Variants in ATXN10 observed in about 807,000 individuals in gnomAD.
ATXN10 encodes ataxin 10, also known as ataxin-10.
A neutral mutation model predicts 52.9 loss-of-function variants in ATXN10; 28 were observed. The observed-to-expected ratio is 0.53, with a 90% CI of 0.39 to 0.73. ATXN10 has a LOEUF of 0.73. Among genes scored for constraint, ATXN10 ranks in the 30% least tolerant of loss-of-function variants. The probability of loss-of-function intolerance (pLI) is 0.00; values close to 1 mark genes in which losing one functional copy is unlikely to be tolerated. For missense variants in ATXN10, 565 were observed against 577.0 expected, an observed-to-expected ratio of 0.98 and a Z score of 0.21; for synonymous variants, 226 against 221.5, an observed-to-expected ratio of 1.02 and a Z score of -0.18.
intron 1 of ATXN10, among the ~76,000 whole-genome samples, chr22:45,685,444 CTT>C (rs1304648883): frequency 6.6e-6 from 1 of 152,120 alleles, no homozygotes; most frequent in African/African-American, 2.4e-5. Flanking sequence ...AGTAGCTAAG[CTT>C]TTTAAAGTCG....
At chr22:45,758,300 C>T (rs1316427904) in intron 9 of ATXN10, among the ~76,000 whole-genome samples, 3 of 152,206 alleles carry the variant, frequency 2.0e-5, no homozygotes, top group African/African-American at 7.2e-5. Flanking sequence ...ACCAGTGCCT[C>T]CATGGAGCAC....
chr22:45,790,950 G>A lies in ATXN10; in HGVS notation c.1174-16009G>A, dbSNP rs1016198121. ...GCTTACTGTACTCTCGAACTCCTGG[G>A]CTCAACCCATCTTCATGCCTCAGCC... On this transcript the variant is annotated intron_variant, in intron 9 of 11. Coordinates refer to ENST00000252934, the MANE Select transcript of ATXN10 (RefSeq NM_013236.4). This position sits in a 1 kb window ranked among gnomAD's most constrained non-coding sequence, Gnocchi z 4.7. 1.1e-4 allele frequency among the ~76,000 whole-genome samples: 16 copies of A among 152,098 alleles called. No individual in the cohort carries two copies. The highest frequency in any genetic ancestry group is 1.9e-4 in the Non-Finnish European group (13 of 68,020).
rs143822507 is a variant in ATXN10 at position 45,830,381 on chromosome 22, A to AT, written c.1238-12608dup. 5.3e-3 allele frequency among the ~76,000 whole-genome samples: 801 copies of AT among 152,372 alleles called. 12 individuals are homozygous for AT. The highest frequency in any genetic ancestry group is 0.019 in the African/African-American group (771 of 41,596). ...TGAAAATTTTAAAATATTTTGCATC[A>AT]TTCAACAGAGTGAAAGAATCATTCA... On this transcript the variant is annotated intron_variant, in intron 10 of 11. Coordinates refer to ENST00000252934, the MANE Select transcript of ATXN10 (RefSeq NM_013236.4).
intron 10 of ATXN10, among the ~76,000 whole-genome samples, chr22:45,807,902 G>A (rs1475255477): frequency 1.3e-5 from 2 of 152,066 alleles, no homozygotes; most frequent in Admixed American, 1.3e-4. Flanking sequence ...GAGGAGGGGG[G>A]CATTTTAAAA....
In ATXN10 at chr22:45,842,305, G is replaced by C. The variant is rs1214471306; in HGVS notation, c.1238-686G>C. ...ATGTGGCGATGCTATCCCAGTCTTCGTAGGTTGTCTCTGGTCTCCTGCCAA... is the reference window on the plus strand; with the variant it reads ...ATGTGGCGATGCTATCCCAGTCTTCCTAGGTTGTCTCTGGTCTCCTGCCAA... On this transcript the variant is annotated intron_variant, in intron 10 of 11. Coordinates refer to ENST00000252934, the MANE Select transcript of ATXN10 (RefSeq NM_013236.4). This position sits in a 1 kb window ranked among gnomAD's most constrained non-coding sequence, Gnocchi z 4.8. 6.6e-6 allele frequency among the ~76,000 whole-genome samples: 1 copy of C among 152,116 alleles called. No homozygotes were observed. The highest frequency in any genetic ancestry group is 2.4e-5 in the African/African-American group (1 of 41,424).
chr22:45,699,488 TCC>T (rs370462643), intron 3 of ATXN10, among the ~76,000 whole-genome samples: 2 of 146,900 alleles, frequency 1.4e-5, no homozygotes, highest in Non-Finnish European at 3.0e-5. Flanking sequence ...TCTTTTTCTT[TCC>T]TTTTTTTTTT....
At chr22:45,694,180 T>C (rs918226537) in intron 3 of ATXN10, among the ~76,000 whole-genome samples, 21 of 152,182 alleles carry the variant, frequency 1.4e-4, no homozygotes, top group Non-Finnish European at 1.8e-4. Context: ...CACACTTCTT[T>C]AGACTCATTA....
chr22:45,806,285 T>C (rs1928096419), intron 9 of ATXN10, among the ~76,000 whole-genome samples: 1 of 152,238 alleles, frequency 6.6e-6, no homozygotes, highest in Non-Finnish European at 1.5e-5. Flanking sequence ...TATAATTTGC[T>C]TCCCTCTTAT....
chr22:45,784,546 T>G lies in ATXN10; in HGVS notation c.1174-22413T>G, dbSNP rs1927258520. On this transcript the variant is annotated intron_variant, in intron 9 of 11. Coordinates refer to ENST00000252934, the MANE Select transcript of ATXN10 (RefSeq NM_013236.4). The surrounding 1 kb of genome is among the most constrained non-coding windows in gnomAD (Gnocchi z 4.2). ...CAGTGGGGCTTCCACATGTCTTGCC[T>G]TGGAGGTCTGTGCTAGGCTGTCAGG... Among the ~76,000 whole-genome samples, 1 of 152,146 alleles carries G rather than the reference T, an allele frequency of 6.6e-6. No individual in the cohort carries two copies. Among genetic ancestry groups the G allele is most frequent in the Non-Finnish European group, 1.5e-5 (1 of 68,020 alleles).
chr22:45,749,538 T>C (rs183139719), intron 9 of ATXN10, among the ~76,000 whole-genome samples: 10 of 152,234 alleles, frequency 6.6e-5, no homozygotes, highest in South Asian at 4.1e-4. Flanking sequence ...TTTTAGTAAA[T>C]GTAGTTTCTT....
At position 45,774,692 on chromosome 22, in the gene ATXN10, G is replaced by A. The variant is rs938026697; in HGVS notation, c.1174-32267G>A. On this transcript the variant is annotated intron_variant, in intron 9 of 11. Transcript: ENST00000252934. The surrounding 1 kb of genome is among the most constrained non-coding windows in gnomAD (Gnocchi z 6.2). The stretch of plus-strand genomic sequence containing the variant: ...TCACGCTTATAATCCTAGCACTTTG[G>A]GAGGCTGAGGTGAGCGGATCACTTG... Among the ~76,000 whole-genome samples, 1 of 152,172 alleles carries A rather than the reference G, an allele frequency of 6.6e-6. No homozygotes were observed. Among genetic ancestry groups the A allele is most frequent in the African/African-American group, 2.4e-5 (1 of 41,450 alleles).
chr22:45,719,852 C>T (rs190351084), intron 6 of ATXN10, among the ~76,000 whole-genome samples: 3 of 152,236 alleles, frequency 2.0e-5, no homozygotes, highest in East Asian at 1.9e-4. Context: ...ATTCATTCAT[C>T]GTGTTGTGTC....
At chr22:45,741,689 GA>G (rs139463464) in intron 9 of ATXN10, among the ~76,000 whole-genome samples, 52 of 148,540 alleles carry the variant, frequency 3.5e-4, no homozygotes, top group East Asian at 2.7e-3. Flanking sequence ...GTAAAAAATA[GA>G]AAAAAAAAAT....
chr22:45,807,121 C>G, intron 10 of ATXN10, 99 bp downstream of exon 10: 2 of 936,624 alleles, frequency 2.1e-6, no homozygotes, highest in East Asian at 2.4e-5. Context: ...AGCTGGCTGC[C>G]TTGCTTGCTT....
At chr22:45,788,668 T>A (rs1361779532) in intron 9 of ATXN10, among the ~76,000 whole-genome samples, 2 of 151,958 alleles carry the variant, frequency 1.3e-5, no homozygotes, top group East Asian at 3.9e-4. Flanking sequence ...AGTTCATTAG[T>A]TAATGAAAGA....
intron 5 of ATXN10, among the ~76,000 whole-genome samples, chr22:45,714,574 G>T (rs1238680146): frequency 6.6e-6 from 1 of 151,996 alleles, no homozygotes; most frequent in African/African-American, 2.4e-5. Flanking sequence ...TAGAGATGGG[G>T]TCTCACTATG....
intron 3 of ATXN10, among the ~76,000 whole-genome samples, chr22:45,695,324 C>CAAA (rs1200143731): frequency 1.3e-5 from 1 of 78,146 alleles, no homozygotes; most frequent in Non-Finnish European, 2.7e-5. Context: ...GACTCCACCT[C>CAAA]AAAAAAAAAA....
intron 10 of ATXN10, among the ~76,000 whole-genome samples, chr22:45,817,675 T>C (rs1322207835): frequency 2.0e-5 from 3 of 152,028 alleles, no homozygotes; most frequent in Non-Finnish European, 4.4e-5. Flanking sequence ...CCTCAGCTAG[T>C]GTGATTTATC....
chr22:45,776,222 A>T (rs1926949910), intron 9 of ATXN10, among the ~76,000 whole-genome samples: 1 of 152,222 alleles, frequency 6.6e-6, no homozygotes, highest in African/African-American at 2.4e-5. Context: ...CTAAAACTTA[A>T]TGTGGACCAT....
Sources: allele counts gnomAD v4.1 joint callset (sites outside exome capture counted in the v4.1 genomes callset), GRCh38; gene constraint gnomAD v4.1.1; non-coding constraint Gnocchi (gnomAD v3.1); transcripts MANE v1.5; gene names NCBI Gene and HGNC (gene_info 2026-07-23, HGNC 2026-07-21).